The following ADAMTS15 variants were observed in gnomAD, a reference collection of about 807,000 sequenced individuals.
The protein encoded by ADAMTS15 is ADAM metallopeptidase with thrombospondin type 1 motif 15, also known as A disintegrin and metalloproteinase with thrombospondin motifs 15.
In ADAMTS15, 35 loss-of-function variants were observed where a neutral mutation model predicts 79.1. That is an observed-to-expected ratio of 0.44 (90% CI 0.34 to 0.59). ADAMTS15 has a LOEUF of 0.59. Among genes scored for constraint, ADAMTS15 ranks in the 20% least tolerant of loss-of-function variants. The probability of loss-of-function intolerance (pLI) is 0.02; values close to 1 mark genes in which losing one functional copy is unlikely to be tolerated. For missense variants in ADAMTS15, 1,324 were observed against 1,318.7 expected, an observed-to-expected ratio of 1.00 and a Z score of -0.06; for synonymous variants, 616 against 567.3, an observed-to-expected ratio of 1.09 and a Z score of -1.22.
chr11:130,465,703 A>G (rs994889905), intron 4 of ADAMTS15, among the ~76,000 whole-genome samples: 3 of 151,558 alleles, frequency 2.0e-5, no homozygotes, highest in Non-Finnish European at 2.9e-5. Flanking sequence ...CTTTCCTCCC[A>G]TCGTCCAGCC....
Position 130,473,934 on chromosome 11 carries a change from C to A in ADAMTS15, c.*113C>A. The A allele has an allele frequency of 7.3e-7, 1 of 1,374,028 alleles. No homozygotes were observed. Among genetic ancestry groups the A allele is most frequent in the South Asian group, 1.5e-5 (1 of 68,398 alleles). The allele number at this position is 1,374,028 out of a possible 1,614,324, so 85.1% of individuals were successfully genotyped here. A position where few individuals can be genotyped will look rare whatever the true frequency, so the allele number is the denominator to read the frequency against. On this transcript the variant is annotated 3_prime_UTR_variant, in exon 8 of 8. Coordinates refer to ENST00000299164, the MANE Select transcript of ADAMTS15 (RefSeq NM_139055.4). The stretch of plus-strand genomic sequence containing the variant: ...CCAGGGGCTCACGCCACGATGTCAC[C>A]CACATCCGGGGACAAGGACCATGGG...
At position 130,470,972 on chromosome 11, in the gene ADAMTS15, C is replaced by G; in HGVS notation, c.1773C>G (p.Asn591Lys). 2.5e-6 allele frequency: 4 copies of G among 1,613,874 alleles called. No homozygotes were observed. Among genetic ancestry groups the G allele is most frequent in the Non-Finnish European group, 3.4e-6 (4 of 1,180,038 alleles). Residue 591 changes from asparagine to lysine, a missense_variant, in exon 6 of 8, where the codon AAC becomes AAG. By Grantham distance (94) the Asn-to-Lys change is moderately conservative. Coordinates refer to ENST00000299164, the MANE Select transcript of ADAMTS15 (RefSeq NM_139055.4). Reference protein sequence around the residue: ...EEQCEAFNGYNHSTNRLTLAV... With the variant: ...EEQCEAFNGYKHSTNRLTLAV... ...AGTGTGAGGCTTTCAACGGCTACAA[C>G]CACAGCACCAACCGGCTCACTCTCG...
intron 1 of ADAMTS15, among the ~76,000 whole-genome samples, chr11:130,452,351 C>T (rs186972224): frequency 1.8e-4 from 28 of 152,328 alleles, no homozygotes; most frequent in Non-Finnish European, 1.5e-5. Flanking sequence ...TCTCCAGGCT[C>T]ATAACAGCAG....
intron 4 of ADAMTS15, 43 bp from the exon 5 acceptor site, chr11:130,469,219 G>C (rs759091702): frequency 1.5e-6 from 2 of 1,361,622 alleles, no homozygotes; most frequent in Non-Finnish European, 9.5e-7. Context: ...GCTGGGTGTG[G>C]CACCTGGATC....
chr11:130,462,461 C>T lies in ADAMTS15; in HGVS notation c.1259-36C>T. 3.9e-6 allele frequency: 6 copies of T among 1,552,940 alleles called. No homozygotes were observed. The highest frequency in any genetic ancestry group is 3.5e-6 in the Non-Finnish European group (4 of 1,144,804). ...CTGGGCTAGCCAAACCTCATCTTCCCAGCTCATCCTAACGAACGCCCTCGG... is the reference window on the plus strand; with the variant it reads ...CTGGGCTAGCCAAACCTCATCTTCCTAGCTCATCCTAACGAACGCCCTCGG... On this transcript the variant is annotated intron_variant, in intron 3 of 7. Transcript: ENST00000299164. This position sits in a 1 kb window ranked among gnomAD's most constrained non-coding sequence, Gnocchi z 4.3.
intron 1 of ADAMTS15, 75 bp downstream of exon 1, chr11:130,450,005 C>T: frequency 2.6e-6 from 4 of 1,545,388 alleles, no homozygotes; most frequent in Non-Finnish European, 3.5e-6. Flanking sequence ...GCTCCAAATC[C>T]CCTTTGTATC....
chr11:130,470,164 A>ATATATATGTATATATG (rs1565397699), intron 5 of ADAMTS15, among the ~76,000 whole-genome samples: 198 of 58,198 alleles, frequency 3.4e-3, no homozygotes, highest in Non-Finnish European at 4.8e-3. Flanking sequence ...GTATATATAT[A>ATATATATGTATATATG]TATATATATA....
chr11:130,470,133 CAT>C (rs1244452788), intron 5 of ADAMTS15, among the ~76,000 whole-genome samples: 4,602 of 74,528 alleles, frequency 0.062, 271 homozygotes, highest in Middle Eastern at 0.091. Flanking sequence ...TATATATATA[CAT>C]ATATATATAT....
chr11:130,467,695 A>C (rs1217142534), intron 4 of ADAMTS15, among the ~76,000 whole-genome samples: 1 of 151,574 alleles, frequency 6.6e-6, no homozygotes, highest in African/African-American at 2.4e-5. Flanking sequence ...ATCCAAACTC[A>C]TTTCACTGTC....
chr11:130,470,156 A>ATATATATATATATATATATATGTGTG lies in ADAMTS15; in HGVS notation c.1720+738_1720+739insGTGTGTATATATATATATATATATAT, dbSNP rs1565397651. On this transcript the variant is annotated intron_variant, in intron 5 of 7. Coordinates refer to ENST00000299164, the MANE Select transcript of ADAMTS15 (RefSeq NM_139055.4). ...TACATATATATATATATATATGTGT[A>ATATATATATATATATATATATGTGTG]TATATATATATATATATATATATAT... Among the ~76,000 whole-genome samples the ATATATATATATATATATATATGTGTG allele has an allele frequency of 3.9e-3, 172 of 44,392 alleles. 3 individuals carry two copies. The highest frequency in any genetic ancestry group is 6.4e-3 in the Non-Finnish European group (140 of 21,898). 29.1% of individuals were successfully genotyped at this position (44,392 alleles called of 152,430 possible). A position where few individuals can be genotyped will look rare whatever the true frequency, so the allele number is the denominator to read the frequency against.
intron 1 of ADAMTS15, among the ~76,000 whole-genome samples, chr11:130,457,189 C>T (rs950068261): frequency 2.0e-5 from 3 of 150,388 alleles, no homozygotes; most frequent in Non-Finnish European, 2.9e-5. Flanking sequence ...CGAGATCACA[C>T]GACTGTACTC....
intron 4 of ADAMTS15, among the ~76,000 whole-genome samples, chr11:130,464,131 C>G (rs1317220562): frequency 6.6e-6 from 1 of 152,150 alleles, no homozygotes; most frequent in African/African-American, 2.4e-5. Flanking sequence ...CAGCAGCCAC[C>G]TTGATTGCCA....
rs528611883 is a variant in ADAMTS15, at chr11:130,472,968, T to G, written c.2079-79T>G. 35 of 1,546,584 alleles carry G rather than the reference T, an allele frequency of 2.3e-5. No individual in the cohort carries two copies. Among genetic ancestry groups the G allele is most frequent in the African/African-American group, 5.5e-5 (4 of 72,986 alleles). ...AGAATTCACCGAAAGCTAGGTTTAC[T>G]GAGGAAAACAGATCCTGGAGCATAA... On this transcript the variant is annotated intron_variant, in intron 7 of 7. Transcript: ENST00000299164. This position sits in a 1 kb window ranked among gnomAD's most constrained non-coding sequence, Gnocchi z 4.7.
In ADAMTS15 at chr11:130,472,904, C is replaced by T; in HGVS notation, c.2079-143C>T. The T allele has an allele frequency of 8.2e-7, 1 of 1,218,226 alleles. No individual in the cohort carries two copies. The highest frequency in any genetic ancestry group is 1.1e-6 in the Non-Finnish European group (1 of 869,948). 75.5% of individuals were successfully genotyped at this position (1,218,226 alleles called of 1,614,324 possible). On this transcript the variant is annotated intron_variant, in intron 7 of 7. Coordinates refer to ENST00000299164, the MANE Select transcript of ADAMTS15 (RefSeq NM_139055.4). The surrounding 1 kb of genome is among the most constrained non-coding windows in gnomAD (Gnocchi z 4.7). ...AGCACCAATCGCCAAGGGGCAGGGA[C>T]CTCTCTGACTCCAAAACCTGTGCTT...
At position 130,470,925 on chromosome 11, in the gene ADAMTS15, G is replaced by A. The variant is rs147190472; in HGVS notation, c.1726G>A (p.Gly576Arg). The change falls in exon 6 of 8, where the codon GGA (glycine) becomes AGA (arginine). Residue 576 changes from glycine (G) to arginine (R), a missense_variant. Coordinates refer to ENST00000299164, the MANE Select transcript of ADAMTS15 (RefSeq NM_139055.4). ...TTATGCTTCTCCCTCCCTAGCCTCC[G>A]GAAAGAGCTTCCGGGAGGAGCAGTG... ...NLEPCPSSASGKSFREEQCEA... is the reference protein window; with the variant it reads ...NLEPCPSSASRKSFREEQCEA... The A allele has an allele frequency of 1.5e-5, 24 of 1,612,968 alleles. No homozygotes were observed. Among genetic ancestry groups the A allele is most frequent in the African/African-American group, 5.3e-5 (4 of 74,902 alleles).
intron 1 of ADAMTS15, among the ~76,000 whole-genome samples, chr11:130,451,761 A>G (rs2134715896): frequency 6.6e-6 from 1 of 152,232 alleles, no homozygotes; most frequent in South Asian, 2.1e-4. Context: ...TCCTGCTGGG[A>G]ATAGGGACCA....
chr11:130,468,507 T>C (rs2134734481), intron 4 of ADAMTS15, among the ~76,000 whole-genome samples: 1 of 152,236 alleles, frequency 6.6e-6, no homozygotes, highest in South Asian at 2.1e-4. Flanking sequence ...GGCTCAAGCC[T>C]GTAATCCCAG....
At chr11:130,464,651 G>A (rs1490783533) in intron 4 of ADAMTS15, among the ~76,000 whole-genome samples, 2 of 152,054 alleles carry the variant, frequency 1.3e-5, no homozygotes, top group African/African-American at 4.8e-5. Context: ...ACATGCAATT[G>A]TGCTCACTGG....
Position 130,449,602 on chromosome 11 carries a change from C to T in ADAMTS15, c.629C>T (p.Ala210Val), listed in dbSNP as rs1937917917. The T allele has an allele frequency of 6.2e-7, 1 of 1,604,290 alleles. No homozygotes were observed. The highest frequency in any genetic ancestry group is 1.3e-5 in the African/African-American group (1 of 74,950). The change falls in exon 1 of 8, where the codon GCC becomes GTC. Residue 210 changes from alanine to valine, a missense_variant. Physicochemically the swap from Ala to Val is moderately conservative, Grantham distance 64. Coordinates refer to ENST00000299164, the MANE Select transcript of ADAMTS15 (RefSeq NM_139055.4). The surrounding 1 kb of genome is among the most constrained non-coding windows in gnomAD (Gnocchi z 7.8). Reference protein sequence around the residue: ...ESRSRRRSGRAKRFVSIPRYV... With the variant: ...ESRSRRRSGRVKRFVSIPRYV... ...CGTAGCCGGCGCAGGTCTGGGCGCG[C>T]CAAGCGTTTCGTGTCTATCCCGCGG...
Sources: allele counts gnomAD v4.1 joint callset (sites outside exome capture counted in the v4.1 genomes callset), GRCh38; gene constraint gnomAD v4.1.1; non-coding constraint Gnocchi (gnomAD v3.1); transcripts MANE v1.5; gene names NCBI Gene and HGNC (gene_info 2026-07-23, HGNC 2026-07-21).